SPMIP4: variants seen among roughly 807,000 people sequenced by gnomAD.
SPMIP4 encodes the protein sperm microtubule inner protein 4.
the SPMIP4 span, among the ~76,000 whole-genome samples, chr7:25,153,257 T>A: frequency 1.3e-5 from 2 of 152,142 alleles, no homozygotes; most frequent in African/African-American, 4.8e-5. Context: ...TCCCTTATGT[T>A]ACTGCACTGA....
At chr7:25,127,183 C>G in the SPMIP4 span, among the ~76,000 whole-genome samples, 4 of 152,070 alleles carry the variant, frequency 2.6e-5, no homozygotes, top group Admixed American at 2.6e-4. Context: ...GTTAAATCTG[C>G]TTGGTGTTTT....
the SPMIP4 span, chr7:25,125,843 A>T: frequency 1.1e-6 from 1 of 876,334 alleles, no homozygotes; most frequent in African/African-American, 1.8e-5. Context: ...CGAGTTGGGC[A>T]CCAGCTCGTG....
the SPMIP4 span, chr7:25,125,996 A>G: frequency 1.0e-6 from 1 of 971,952 alleles, no homozygotes; most frequent in Non-Finnish European, 1.2e-6. Flanking sequence ...TAAAATTAAG[A>G]GGATGCAATG....
At chr7:25,157,005 T>G in the SPMIP4 span, among the ~76,000 whole-genome samples, 1 of 151,044 alleles carries the variant, frequency 6.6e-6, no homozygotes, top group Admixed American at 6.6e-5. Context: ...AGCTATTATA[T>G]AAGATGAGCC....
chr7:25,168,730 GT>G, the SPMIP4 span, among the ~76,000 whole-genome samples: 585 of 138,670 alleles, frequency 4.2e-3, no homozygotes, highest in African/African-American at 8.9e-3. Context: ...TTTCATTTTC[GT>G]TTTTTTTTTT....
the SPMIP4 span, among the ~76,000 whole-genome samples, chr7:25,142,004 G>A: frequency 6.6e-6 from 1 of 152,198 alleles, no homozygotes; most frequent in African/African-American, 2.4e-5. Context: ...CCAGAGTGCT[G>A]GGATTACAGG....
At chr7:25,152,242 C>T in the SPMIP4 span, among the ~76,000 whole-genome samples, 1 of 152,126 alleles carries the variant, frequency 6.6e-6, no homozygotes. Context: ...ATCAAGTTTT[C>T]TGAAACTGAG....
the SPMIP4 span, among the ~76,000 whole-genome samples, chr7:25,165,090 A>G: frequency 1.1e-4 from 16 of 152,190 alleles, no homozygotes; most frequent in Non-Finnish European, 1.8e-4. Flanking sequence ...ACATGTGTGT[A>G]CAAGTGTCTT....
chr7:25,142,365 G>C, the SPMIP4 span: 1,035 of 1,470,378 alleles, frequency 7.0e-4, 5 homozygotes, highest in Non-Finnish European at 4.9e-4. Flanking sequence ...TATTTTGTTA[G>C]GGTAAACGAA....
At chr7:25,142,918 G>A in the SPMIP4 span, 51 of 795,016 alleles carry the variant, frequency 6.4e-5, no homozygotes, top group Non-Finnish European at 8.0e-5. Flanking sequence ...CCAGGCTGAC[G>A]TCAGAATGGT....
chr7:25,168,254 A>C, the SPMIP4 span: 1 of 1,570,764 alleles, frequency 6.4e-7, no homozygotes, highest in Non-Finnish European at 8.6e-7. Context: ...ATGGATAATA[A>C]AGACCTTTCT....
At chr7:25,161,108 G>C in the SPMIP4 span, 1 of 760,194 alleles carries the variant, frequency 1.3e-6, no homozygotes, top group Admixed American at 3.4e-5. Flanking sequence ...CCCCATTTGG[G>C]GCTTTAAAAA....
the SPMIP4 span, chr7:25,135,012 G>A: frequency 1.2e-6 from 1 of 812,794 alleles, no homozygotes; most frequent in Non-Finnish European, 1.5e-6. Context: ...CAAATGACAT[G>A]TTGGTCATAA....
At chr7:25,129,623 A>G in the SPMIP4 span, among the ~76,000 whole-genome samples, 1 of 152,082 alleles carries the variant, frequency 6.6e-6, no homozygotes, top group Non-Finnish European at 1.5e-5. Flanking sequence ...TTTGGTTCTT[A>G]TGAAGGTTCT....
chr7:25,169,294 T>G, the SPMIP4 span, among the ~76,000 whole-genome samples: 1 of 152,134 alleles, frequency 6.6e-6, no homozygotes, highest in Non-Finnish European at 1.5e-5. Context: ...TATTCACAGA[T>G]AAGTGCGAGC....
At chr7:25,156,525 G>C in the SPMIP4 span, among the ~76,000 whole-genome samples, 7 of 152,146 alleles carry the variant, frequency 4.6e-5, no homozygotes, top group African/African-American at 1.4e-4. Flanking sequence ...ATAGCCTTTT[G>C]AATAGGTCTT....
At chr7:25,167,403 T>G in the SPMIP4 span, among the ~76,000 whole-genome samples, 2 of 152,236 alleles carry the variant, frequency 1.3e-5, no homozygotes, top group African/African-American at 4.8e-5. Flanking sequence ...TACAGTTCCA[T>G]GAGAGCGTGG....
the SPMIP4 span, among the ~76,000 whole-genome samples, chr7:25,174,766 G>A: frequency 1.3e-5 from 2 of 152,142 alleles, no homozygotes; most frequent in African/African-American, 4.8e-5. This position sits in a 1 kb window ranked among gnomAD's most constrained non-coding sequence, Gnocchi z 4.5. Flanking sequence ...AAGTTAAGGA[G>A]AAGTCAGCTG....
chr7:25,152,157 A>ATTTTTTTTTTTTTTTTTTTTTTTTTTTT, the SPMIP4 span, among the ~76,000 whole-genome samples: 1 of 151,838 alleles, frequency 6.6e-6, no homozygotes, highest in Non-Finnish European at 1.5e-5. Context: ...CCTCTTTCTG[A>ATTTTTTTTTTTTTTTTTTTTTTTTTTTT]TCTTTTTTTC....
Sources: allele counts gnomAD v4.1 joint callset (sites outside exome capture counted in the v4.1 genomes callset), GRCh38; gene constraint gnomAD v4.1.1; non-coding constraint Gnocchi (gnomAD v3.1); transcripts MANE v1.5; gene names NCBI Gene and HGNC (gene_info 2026-07-23, HGNC 2026-07-21).